Variants in DENND4C observed in about 807,000 individuals in gnomAD.
The protein encoded by DENND4C is DENN domain containing 4C, also known as DENN domain-containing protein 4C.
A neutral mutation model predicts 203.0 loss-of-function variants in DENND4C; 108 were observed. That is an observed-to-expected ratio of 0.53 (90% CI 0.46 to 0.62). DENND4C has a LOEUF of 0.62. Ranked by LOEUF, DENND4C falls within the 20% of genes least tolerant of loss-of-function variation. The pLI, the probability that DENND4C is intolerant of heterozygous loss-of-function variation, is 0.00. For synonymous variants in DENND4C, 871 were observed against 792.4 expected (o/e 1.10, Z -1.67); for missense variants, 2,481 against 2,301.2 (o/e 1.08, Z -1.60).
At chr9:19,256,644 C>G (rs1828044166) in intron 1 of DENND4C, among the ~76,000 whole-genome samples, 1 of 151,820 alleles carries the variant, frequency 6.6e-6, no homozygotes, top group Non-Finnish European at 1.5e-5. Flanking sequence ...TATTTTTTTA[C>G]TCTTTAAAAT....
chr9:19,280,825 C>G (rs542986002), intron 2 of DENND4C, among the ~76,000 whole-genome samples: 9 of 152,232 alleles, frequency 5.9e-5, no homozygotes, highest in African/African-American at 2.2e-4. Flanking sequence ...ACTGCAGCCT[C>G]CGCCTTCTGG....
chr9:19,345,649 A>G (rs2772407), intron 22 of DENND4C, among the ~76,000 whole-genome samples: 27,680 of 152,196 alleles, frequency 0.18, 3,132 homozygotes, highest in Middle Eastern at 0.37. Flanking sequence ...AGGTATATCC[A>G]TCTATCATAT....
chr9:19,357,796 A>T, intron 27 of DENND4C, 169 bp from the exon 28 acceptor site: 1 of 547,222 alleles, frequency 1.8e-6, no homozygotes, highest in Non-Finnish European at 3.1e-6. Flanking sequence ...TGTTTTTCTG[A>T]CCAGTTTTAC....
chr9:19,315,030 C>A (rs1343649671), intron 10 of DENND4C, among the ~76,000 whole-genome samples: 2 of 151,818 alleles, frequency 1.3e-5, no homozygotes, highest in Non-Finnish European at 2.9e-5. Context: ...CGTGATGGCG[C>A]GCCCCTGTAA....
chr9:19,321,427 A>G (rs1842852268), intron 12 of DENND4C, among the ~76,000 whole-genome samples: 1 of 152,192 alleles, frequency 6.6e-6, no homozygotes, highest in Non-Finnish European at 1.5e-5. Context: ...TGCCCTTTAT[A>G]AGAAGTAAAA....
chr9:19,372,858 C>CAAAAAAAAAAAA lies in DENND4C; in HGVS notation c.*696_*707dup, dbSNP rs368857837. The CAAAAAAAAAAAA allele has an allele frequency of 8.5e-4, 45 of 52,982 alleles. 3 individuals are homozygous for CAAAAAAAAAAAA. The highest frequency in any genetic ancestry group is 2.5e-3 in the African/African-American group (43 of 16,942). The allele number at this position is 52,982 out of a possible 1,614,324, so 3.3% of individuals were successfully genotyped here. A position where few individuals can be genotyped will look rare whatever the true frequency, so the allele number is the denominator to read the frequency against. ...CTTGGGTGACAGAGTGAGACCGTCT[C>CAAAAAAAAAAAA]AAAAAAAAAAAAAAAAAAAAAAGAG... is the stretch of plus-strand genomic sequence containing the variant. On this transcript the variant is annotated 3_prime_UTR_variant, in exon 33 of 33. Coordinates refer to ENST00000434457, the MANE Select transcript of DENND4C (RefSeq NM_001330640.2).
intron 17 of DENND4C, 79 bp from the exon 18 acceptor site, chr9:19,334,898 A>G (rs1820089250): frequency 7.5e-7 from 1 of 1,337,786 alleles, no homozygotes; most frequent in Non-Finnish European, 1.0e-6. Flanking sequence ...AACTTCATGG[A>G]AAGAATTCAG....
rs1214004476 is a variant in DENND4C at position 19,358,097 on chromosome 9, T to C, written c.5097T>C (p.Phe1699=). The C allele has an allele frequency of 6.2e-6, 10 of 1,613,874 alleles. No homozygotes were observed. The highest frequency in any genetic ancestry group is 2.2e-5 in the East Asian group (1 of 44,878). The change falls in exon 28 of 33, where the codon TTT becomes TTC. Residue 1699 remains phenylalanine, a synonymous_variant. Coordinates refer to ENST00000434457, the MANE Select transcript of DENND4C (RefSeq NM_001330640.2). This position sits in a 1 kb window ranked among gnomAD's most constrained non-coding sequence, Gnocchi z 4.8. ...GAGGCCCATTGCAGAATATTGACTT[T>C]ACCCAGCGACCGTTTCATGGCATCT... ...SVGGPLQNID[F]TQRPFHGIST...
At chr9:19,307,724 C>T (rs1384306078) in intron 10 of DENND4C, among the ~76,000 whole-genome samples, 1 of 143,930 alleles carries the variant, frequency 6.9e-6, no homozygotes, top group Non-Finnish European at 1.5e-5. Flanking sequence ...GAGCGGAGAT[C>T]ATGCCATTGC....
At position 19,334,586 on chromosome 9, in the gene DENND4C, C is replaced by T. The variant is rs1173800029; in HGVS notation, c.2461-391C>T. Among the ~76,000 whole-genome samples the T allele has an allele frequency of 3.5e-5, 5 of 144,672 alleles. No homozygotes were observed. The East Asian group carries it at 1.0e-3, about 29-fold the overall frequency. The allele number at this position is 144,672 out of a possible 152,430, so 94.9% of individuals were successfully genotyped here. ...TGTTGCCCAGGCTGGAGTGCAGTGG[C>T]GTGATCTGGGCTCATTACAACCTCT... On this transcript the variant is annotated intron_variant, in intron 17 of 32. Transcript: ENST00000434457.
At chr9:19,330,981 G>T (rs536698864) in intron 16 of DENND4C, among the ~76,000 whole-genome samples, 35 of 151,660 alleles carry the variant, frequency 2.3e-4, no homozygotes, top group Non-Finnish European at 4.4e-4. Flanking sequence ...ACTTGAACCC[G>T]GGAGGCAGTG....
chr9:19,347,722 ATTAT>A (rs1331377829), intron 23 of DENND4C, among the ~76,000 whole-genome samples: 3 of 152,228 alleles, frequency 2.0e-5, no homozygotes, highest in Non-Finnish European at 2.9e-5. Flanking sequence ...AAACTAAAAC[ATTAT>A]TTATTTCTTT....
rs891255044 is a variant in DENND4C, at chr9:19,276,371, C to G, written c.197C>G (p.Ala66Gly). The part of the protein sequence containing the change: ...TVPEGYTCVE[A>G]TPSALQANLN... ...CCTGAAGGTTACACCTGTGTAGAAG[C>G]CACTCCATCAGCTCTCCAAGCAAAC... Residue 66 changes from alanine (A) to glycine (G), a missense_variant, in exon 2 of 33, where the codon GCC becomes GGC. This residue lies in a region of DENND4C where 187 missense variants were observed against 167.4 expected (regional missense o/e 1.12). Transcript: ENST00000434457. 1 of 1,231,886 alleles carries G rather than the reference C, an allele frequency of 8.1e-7. No individual in the cohort carries two copies. The highest frequency in any genetic ancestry group is 1.0e-6 in the Non-Finnish European group (1 of 987,874). 76.3% of individuals were successfully genotyped at this position (1,231,886 alleles called of 1,614,324 possible).
At chr9:19,320,519 T>C (rs1484228740) in intron 12 of DENND4C, among the ~76,000 whole-genome samples, 2 of 152,164 alleles carry the variant, frequency 1.3e-5, no homozygotes, top group Admixed American at 6.5e-5. Context: ...AATTCTGGCA[T>C]GTATTTTTTA....
At chr9:19,336,567 T>G in intron 19 of DENND4C, 119 bp from the exon 20 acceptor site, 1 of 1,434,330 alleles carries the variant, frequency 7.0e-7, no homozygotes, top group East Asian at 2.5e-5. Flanking sequence ...ATTATTTTTG[T>G]TTTTTTCCAG....
intron 23 of DENND4C, among the ~76,000 whole-genome samples, chr9:19,350,085 A>C (rs1823739947): frequency 6.6e-6 from 1 of 152,186 alleles, no homozygotes; most frequent in Non-Finnish European, 1.5e-5. Flanking sequence ...GATTGTTGAA[A>C]TGTTTTCTAC....
chr9:19,352,407 A>G, intron 25 of DENND4C, 83 bp from the exon 26 acceptor site: 1 of 1,379,970 alleles, frequency 7.2e-7, no homozygotes, highest in Non-Finnish European at 9.8e-7. Flanking sequence ...GTAGAATAAA[A>G]AAAATCCCAT....
At chr9:19,315,155 C>CAAAAAAAAAAAAAAA (rs10623955) in intron 10 of DENND4C, among the ~76,000 whole-genome samples, 1 of 119,482 alleles carries the variant, frequency 8.4e-6, no homozygotes, top group African/African-American at 3.3e-5. Flanking sequence ...GACTCCGTCT[C>CAAAAAAAAAAAAAAA]AAAAAAAAAA....
chr9:19,349,549 G>C (rs16937486), intron 23 of DENND4C, among the ~76,000 whole-genome samples: 8,952 of 152,222 alleles, frequency 0.059, 832 homozygotes, highest in African/African-American at 0.2. Context: ...CCAGTAAGCA[G>C]TACCTGGCAA....
Sources: allele counts gnomAD v4.1 joint callset (sites outside exome capture counted in the v4.1 genomes callset), GRCh38; gene constraint gnomAD v4.1.1; regional missense constraint gnomAD v4.1.1; non-coding constraint Gnocchi (gnomAD v3.1); transcripts MANE v1.5; gene names NCBI Gene and HGNC (gene_info 2026-07-23, HGNC 2026-07-21).